Variants in C12orf76 observed in about 807,000 individuals in gnomAD.
C12orf76 encodes the protein chromosome 12 open reading frame 76, also known as uncharacterized protein C12orf76.
C12orf76 carries 6 observed loss-of-function variants against 6.8 expected under a neutral mutation model. The ratio of observed to expected loss-of-function variants is 0.88; its 90% CI spans 0.48 to 1.73. The LOEUF (loss-of-function observed/expected upper bound fraction) is 1.73, where lower values mean the gene tolerates loss of function less well. C12orf76 is among the 40% of genes most tolerant of loss of function. The pLI is 0.01. For synonymous variants in C12orf76, 56 were observed against 43.7 expected (o/e 1.28, Z -1.11); for missense variants, 99 against 98.2 (o/e 1.01, Z -0.03).
At chr12:110,067,670 C>G (rs1892888727) in exon 1 of C12orf76, 1 of 660,744 alleles carries the variant, frequency 1.5e-6, no homozygotes, top group Admixed American at 6.3e-5. Context: ...GCCACTGCAC[C>G]CGGCCGGCTC....
chr12:110,043,435 G>C (rs1017328664), intron 1 of C12orf76, among the ~76,000 whole-genome samples: 1 of 151,860 alleles, frequency 6.6e-6, no homozygotes, highest in Non-Finnish European at 1.5e-5. Flanking sequence ...AGGGGAGCAA[G>C]AGAGCAGGAT....
upstream of C12orf76, among the ~76,000 whole-genome samples, chr12:110,071,529 C>T (rs189360142): frequency 3.3e-5 from 5 of 151,622 alleles, no homozygotes; most frequent in South Asian, 2.1e-4. Context: ...GTTTAATTGT[C>T]ACAACCCTAT....
At chr12:110,068,638 G>A (rs540459327), upstream of C12orf76, among the ~76,000 whole-genome samples, 22 of 152,326 alleles carry the variant, frequency 1.4e-4, no homozygotes, top group Admixed American at 5.9e-4. Flanking sequence ...TTAGTTGTGA[G>A]AATAGAAGAA....
chr12:110,070,482 C>T (rs912500767), upstream of C12orf76, among the ~76,000 whole-genome samples: 2 of 152,112 alleles, frequency 1.3e-5, no homozygotes, highest in Non-Finnish European at 2.9e-5. Context: ...AGGAGGATCA[C>T]ATGAGCCTGA....
At position 110,041,407 on chromosome 12, in the gene C12orf76, C is replaced by G. The variant is rs74686343; in HGVS notation, c.*967G>C. On this transcript the variant is annotated 3_prime_UTR_variant, in exon 2 of 2. Coordinates refer to ENST00000615315, the MANE Select transcript of C12orf76 (RefSeq NM_001389625.1). ...TCTAGCACCTTGAAATAAATATTGA[C>G]GACAGCTTTATAAGTATGAAAGTAT... 6.6e-6 allele frequency: 1 copy of G among 152,524 alleles called. No individual in the cohort carries two copies. The highest frequency in any genetic ancestry group is 1.5e-5 in the Non-Finnish European group (1 of 68,032). The allele number at this position is 152,524 out of a possible 1,614,324, so 9.4% of individuals were successfully genotyped here.
At chr12:110,057,864 G>T (rs1377791488) in intron 3 of C12orf76, among the ~76,000 whole-genome samples, 1 of 151,902 alleles carries the variant, frequency 6.6e-6, no homozygotes, top group African/African-American at 2.4e-5. Context: ...AGGAGTTTGA[G>T]ACCAGCTTGC....
At chr12:110,051,700 C>T (rs1268308472), upstream of C12orf76, among the ~76,000 whole-genome samples, 1 of 152,018 alleles carries the variant, frequency 6.6e-6, no homozygotes, top group Non-Finnish European at 1.5e-5. Flanking sequence ...GTTGGGATTA[C>T]AGGTGTGAGC....
At chr12:110,045,894 G>C (rs770017254) in intron 1 of C12orf76, 5 of 189,344 alleles carry the variant, frequency 2.6e-5, no homozygotes, top group Non-Finnish European at 4.7e-5. Flanking sequence ...GGGCGGTGGA[G>C]GTTGCAGTGA....
intron 1 of C12orf76, among the ~76,000 whole-genome samples, chr12:110,042,879 G>A (rs555038220): frequency 6.6e-6 from 1 of 151,948 alleles, no homozygotes; most frequent in Non-Finnish European, 1.5e-5. Context: ...CCAACATGGT[G>A]AAACCCCGTC....
chr12:110,048,735 C>G (rs1281828196), upstream of C12orf76: 5 of 1,106,442 alleles, frequency 4.5e-6, no homozygotes, highest in Admixed American at 4.5e-5. Context: ...TCTGTGCCAA[C>G]GTTCGCCGCG....
chr12:110,058,990 C>T (rs1459571088), exon 3 of C12orf76: 2 of 1,543,954 alleles, frequency 1.3e-6, no homozygotes, highest in Non-Finnish European at 1.7e-6. Flanking sequence ...AGTATTACCT[C>T]CACCTAATAG....
At chr12:110,066,396 A>C (rs1279697562) in intron 1 of C12orf76, among the ~76,000 whole-genome samples, 6 of 143,842 alleles carry the variant, frequency 4.2e-5, no homozygotes, top group Non-Finnish European at 7.6e-5. Flanking sequence ...AAAAAAAAAA[A>C]AAAAAAAACG....
rs776964702 is a variant in C12orf76, at chr12:110,042,385, G to T, written c.208C>A (p.Arg70=). The change falls in exon 2 of 2, where the codon CGG becomes AGG. Residue 70 remains arginine (R), a synonymous_variant. Coordinates refer to ENST00000615315, the MANE Select transcript of C12orf76 (RefSeq NM_001389625.1). ...AACTTGTCTGGCTGTCACCGACGCC[G>T]AATGGGCTTGTAGACACAAAATGCC... is the stretch of plus-strand genomic sequence containing the variant. The part of the protein sequence containing the change: ...LMAFCVYKPI[R]RR The T allele has an allele frequency of 6.2e-7, 1 of 1,613,924 alleles. No individual in the cohort carries two copies. Among genetic ancestry groups the T allele is most frequent in the Non-Finnish European group, 8.5e-7 (1 of 1,179,798 alleles).
At position 110,057,840 on chromosome 12, in the gene C12orf76, G is replaced by T. The variant is rs549795343; in HGVS notation, n.557-544C>A. Among the ~76,000 whole-genome samples the T allele has an allele frequency of 5.9e-5, 9 of 152,088 alleles. No individual in the cohort carries two copies. In the East Asian group the frequency reaches 1.7e-3, roughly 29 times the overall value. On this transcript the variant is annotated intron_variant and non_coding_transcript_variant, in intron 3 of 4. Transcript: ENST00000309050. ...GCACTTTGGGAGGCCAAGGCAGGTG[G>T]ATAACTCGAGGTCAGGAGTTTGAGA... is the stretch of plus-strand genomic sequence containing the variant.
At chr12:110,066,688 CA>C (rs1892870497) in intron 1 of C12orf76, among the ~76,000 whole-genome samples, 1 of 136,444 alleles carries the variant, frequency 7.3e-6, no homozygotes, top group Admixed American at 7.2e-5. Context: ...AACTCTGTCT[CA>C]AAAAAAGAAA....
At chr12:110,058,915 T>C (rs530318074) in intron 3 of C12orf76, 27 of 1,449,888 alleles carry the variant, frequency 1.9e-5, no homozygotes, top group Middle Eastern at 4.9e-4. Flanking sequence ...ATATTAACTT[T>C]TGCAATTCTT....
upstream of C12orf76, among the ~76,000 whole-genome samples, chr12:110,051,576 GCCA>G (rs1344283074): frequency 6.6e-6 from 1 of 152,010 alleles, no homozygotes; most frequent in Non-Finnish European, 1.5e-5. Flanking sequence ...ACAGGCGCAC[GCCA>G]CCACACCAGG....
chr12:110,073,127 T>C (rs1892980616), intron 1 of C12orf76, among the ~76,000 whole-genome samples: 1 of 152,116 alleles, frequency 6.6e-6, no homozygotes, highest in Non-Finnish European at 1.5e-5. Context: ...GAATCCAGGA[T>C]GTTGCCCTGC....
At chr12:110,069,977 T>C (rs1350578221), upstream of C12orf76, among the ~76,000 whole-genome samples, 1 of 152,128 alleles carries the variant, frequency 6.6e-6, no homozygotes, top group Non-Finnish European at 1.5e-5. Context: ...GGGCTGGGCA[T>C]GGTGGCTCAC....
Sources: gnomAD v4.1 joint callset for allele counts (sites outside exome capture counted in the v4.1 genomes callset) on GRCh38, gnomAD v4.1.1 for gene constraint, MANE v1.5 for transcripts, NCBI Gene and HGNC (gene_info 2026-07-23, HGNC 2026-07-21) for gene names.